The following ERBB4 variants were observed in gnomAD, a reference collection of about 807,000 sequenced individuals.
The protein encoded by ERBB4 is erb-b2 receptor tyrosine kinase 4, also known as receptor tyrosine-protein kinase erbB-4.
A neutral mutation model predicts 158.0 loss-of-function variants in ERBB4; 42 were observed. The observed-to-expected ratio is 0.27, with a 90% CI of 0.21 to 0.34. ERBB4 has a LOEUF of 0.34. Ranked by LOEUF, ERBB4 falls within the 10% of genes least tolerant of loss-of-function variation. The probability of loss-of-function intolerance (pLI) is 1.00; values close to 1 mark genes in which losing one functional copy is unlikely to be tolerated. For synonymous variants in ERBB4, 583 were observed against 558.7 expected (o/e 1.04, Z -0.61); for missense variants, 1,333 against 1,624.1 (o/e 0.82, Z 3.08).
intron 1 of ERBB4, among the ~76,000 whole-genome samples, chr2:212,485,723 T>A (rs1242892658): frequency 6.6e-6 from 1 of 152,210 alleles, no homozygotes; most frequent in Non-Finnish European, 1.5e-5. Context: ...AGTTTATTAT[T>A]ATTTCTCAGA....
chr2:211,529,750 A>G (rs575072283), intron 20 of ERBB4, among the ~76,000 whole-genome samples: 7 of 152,164 alleles, frequency 4.6e-5, no homozygotes, highest in African/African-American at 7.2e-5. Flanking sequence ...CCAAAATTAT[A>G]TAATCATTTC....
chr2:212,080,676 TA>T (rs5838296), intron 2 of ERBB4, among the ~76,000 whole-genome samples: 24,025 of 139,152 alleles, frequency 0.17, 3,020 homozygotes, highest in African/African-American at 0.37. Flanking sequence ...GTATAAATAG[TA>T]AAAAAAAAAA....
chr2:211,809,236 A>G (rs1199380639), intron 3 of ERBB4, among the ~76,000 whole-genome samples: 12 of 152,044 alleles, frequency 7.9e-5, no homozygotes, highest in Non-Finnish European at 1.6e-4. Context: ...CTCTTTTTCT[A>G]TTGATTGGAA....
At chr2:212,380,766 T>C (rs2090477711) in intron 1 of ERBB4, among the ~76,000 whole-genome samples, 1 of 151,168 alleles carries the variant, frequency 6.6e-6, no homozygotes. Context: ...TTTTCAATAA[T>C]TGTTAAAATC....
chr2:211,926,695 T>A (rs761442447), intron 3 of ERBB4, among the ~76,000 whole-genome samples: 1 of 152,136 alleles, frequency 6.6e-6, no homozygotes, highest in Non-Finnish European at 1.5e-5. Flanking sequence ...GTTTAGATCA[T>A]CTCTATCTAT....
chr2:211,378,142 G>A lies in ERBB4; in HGVS notation c.*5473C>T, dbSNP rs554555523. ...GCCAGTTGTGTCAATGGGCAAAAAA[G>A]GGAAGGATTCTATTTTCCTCTAAAG... On this transcript the variant is annotated 3_prime_UTR_variant, in exon 28 of 28. Coordinates refer to ENST00000342788, the MANE Select transcript of ERBB4 (RefSeq NM_005235.3). 1.3e-5 allele frequency: 3 copies of A among 233,046 alleles called. No homozygotes were observed. The highest frequency in any genetic ancestry group is 2.5e-5 in the Non-Finnish European group (3 of 117,680). The allele number at this position is 233,046 out of a possible 1,614,324, so 14.4% of individuals were successfully genotyped here.
At chr2:212,529,241 ATAAG>A (rs1208951937) in intron 1 of ERBB4, among the ~76,000 whole-genome samples, 9 of 152,168 alleles carry the variant, frequency 5.9e-5, no homozygotes, top group South Asian at 4.1e-4. Context: ...TAAATGGCAG[ATAAG>A]TAAGAAATAG....
At chr2:212,034,142 T>C (rs895967418) in intron 2 of ERBB4, among the ~76,000 whole-genome samples, 5 of 151,826 alleles carry the variant, frequency 3.3e-5, no homozygotes, top group African/African-American at 1.2e-4. Flanking sequence ...TAATTACCCA[T>C]ATTAAAAAAA....
intron 1 of ERBB4, among the ~76,000 whole-genome samples, chr2:212,504,957 G>C (rs1008890646): frequency 2.0e-5 from 3 of 152,124 alleles, no homozygotes; most frequent in Non-Finnish European, 4.4e-5. Flanking sequence ...TATGGTTGTA[G>C]ATTTTTGTAA....
chr2:211,984,967 G>C (rs1478891782), intron 2 of ERBB4, among the ~76,000 whole-genome samples: 1 of 152,010 alleles, frequency 6.6e-6, no homozygotes, highest in African/African-American at 2.4e-5. Flanking sequence ...CCTGACCTCC[G>C]GTGATCCACC....
intron 3 of ERBB4, among the ~76,000 whole-genome samples, chr2:211,937,438 C>T (rs536046274): frequency 6.6e-6 from 1 of 152,194 alleles, no homozygotes; most frequent in African/African-American, 2.4e-5. Context: ...TCTATTAACA[C>T]TTACTTCTTT....
chr2:211,878,443 T>C (rs368945760), intron 3 of ERBB4, among the ~76,000 whole-genome samples: 3 of 152,310 alleles, frequency 2.0e-5, no homozygotes, highest in East Asian at 1.9e-4. Flanking sequence ...GATTTTAGCA[T>C]AGTGATGAAT....
chr2:211,561,844 C>T (rs947817803), intron 20 of ERBB4, 59 bp downstream of exon 20: 26 of 1,406,802 alleles, frequency 1.8e-5, no homozygotes, highest in Non-Finnish European at 2.6e-5. Flanking sequence ...GAAAACTGTT[C>T]CAGGTTAGGA....
chr2:211,499,457 A>T (rs376882786), intron 20 of ERBB4, among the ~76,000 whole-genome samples: 5 of 152,076 alleles, frequency 3.3e-5, no homozygotes, highest in African/African-American at 1.2e-4. Flanking sequence ...CAGGAGAAGG[A>T]GGTTGCAGTG....
At chr2:212,409,891 T>C (rs1280936688) in intron 1 of ERBB4, among the ~76,000 whole-genome samples, 1 of 152,124 alleles carries the variant, frequency 6.6e-6, no homozygotes, top group African/African-American at 2.4e-5. Context: ...TAGGGTGGAA[T>C]GGTTCTTCAG....
chr2:211,842,802 G>A (rs1240975121), intron 3 of ERBB4, among the ~76,000 whole-genome samples: 1 of 151,962 alleles, frequency 6.6e-6, no homozygotes, highest in Non-Finnish European at 1.5e-5. Context: ...TTCAACACAG[G>A]GGTCGTATCT....
intron 3 of ERBB4, among the ~76,000 whole-genome samples, chr2:211,802,619 A>T (rs2076526284): frequency 6.6e-6 from 1 of 151,844 alleles, no homozygotes; most frequent in Non-Finnish European, 1.5e-5. Context: ...TGAAATAAAA[A>T]TATGTTTAAA....
At chr2:211,789,810 C>A (rs183333700) in intron 3 of ERBB4, among the ~76,000 whole-genome samples, 1 of 152,030 alleles carries the variant, frequency 6.6e-6, no homozygotes, top group Non-Finnish European at 1.5e-5. Flanking sequence ...ATGAAAGGAA[C>A]GTGTCACACC....
chr2:212,055,485 G>A (rs1035164726), intron 2 of ERBB4, among the ~76,000 whole-genome samples: 3 of 152,212 alleles, frequency 2.0e-5, no homozygotes, highest in Admixed American at 2.0e-4. Context: ...GCCCCCTCAA[G>A]TGGGTACCTG....
Sources: allele counts gnomAD v4.1 joint callset (sites outside exome capture counted in the v4.1 genomes callset), GRCh38; gene constraint gnomAD v4.1.1; transcripts MANE v1.5; gene names NCBI Gene and HGNC (gene_info 2026-07-23, HGNC 2026-07-21).